Variants in MLKL observed in about 807,000 individuals in gnomAD.
MLKL encodes mixed lineage kinase domain like pseudokinase.
Under a neutral mutation model 56.5 loss-of-function variants are expected in MLKL, and 55 were observed. That is an observed-to-expected ratio of 0.97 (90% CI 0.78 to 1.22). The LOEUF (loss-of-function observed/expected upper bound fraction) is 1.22. Among genes scored for constraint, MLKL ranks in the 50% most tolerant of loss-of-function variants. The pLI is 0.00. For missense variants in MLKL, 694 were observed against 573.9 expected, an observed-to-expected ratio of 1.21 and a Z score of -2.14; for synonymous variants, 251 against 208.3, an observed-to-expected ratio of 1.20 and a Z score of -1.76.
intron 6 of MLKL, among the ~76,000 whole-genome samples, 163 bp downstream of exon 6, chr16:74,682,488 G>C (rs755931992): frequency 6.6e-6 from 1 of 152,126 alleles, no homozygotes; most frequent in Non-Finnish European, 1.5e-5. Flanking sequence ...CCTGGGTTAA[G>C]CCTCTTTCCT....
chr16:74,685,581 A>G lies in MLKL; in HGVS notation c.725T>C (p.Ile242Thr), dbSNP rs746520537. Residue 242 changes from isoleucine to threonine, a missense_variant and splice_region_variant, in exon 5 of 11, where the codon ATA becomes ACA. Transcript: ENST00000308807. ...FKKLQAGSIA[I>T]VRQTFNKEIK... Reference sequence around the variant, plus strand: ...CTCCTTATTGAAAGTCTGCCTCACTATTCTATAAGGATTAAAGAGAGAAAT... The same window carrying G: ...CTCCTTATTGAAAGTCTGCCTCACTGTTCTATAAGGATTAAAGAGAGAAAT... 40 of 1,610,062 alleles carry G rather than the reference A, an allele frequency of 2.5e-5. No homozygotes were observed. The highest frequency in any genetic ancestry group is 3.1e-5 in the Non-Finnish European group (37 of 1,176,368).
chr16:74,683,274 CAG>C (rs918076254), intron 5 of MLKL, among the ~76,000 whole-genome samples: 3 of 140,538 alleles, frequency 2.1e-5, no homozygotes, highest in Admixed American at 1.5e-4. Flanking sequence ...GCCTGGGCAA[CAG>C]AGTGACACTA....
intron 7 of MLKL, chr16:74,676,174 A>G (rs1237388298): frequency 5.4e-6 from 5 of 927,948 alleles, no homozygotes; most frequent in Non-Finnish European, 6.5e-6. Context: ...GCCTTTTCCC[A>G]AAGAAGCAGA....
intron 1 of MLKL, among the ~76,000 whole-genome samples, chr16:74,697,212 C>T (rs935141610): frequency 6.6e-6 from 1 of 151,598 alleles, no homozygotes; most frequent in Non-Finnish European, 1.5e-5. Context: ...AGTGAGGAAG[C>T]ACAGAGCCCT....
chr16:74,691,614 C>T, intron 3 of MLKL, 151 bp from the exon 4 acceptor site: 1 of 817,284 alleles, frequency 1.2e-6, no homozygotes, highest in South Asian at 1.7e-5. Flanking sequence ...TGGACTCAGC[C>T]CAAGGGAGCG....
In MLKL at chr16:74,674,183, CT is replaced by C. The variant is rs569108397; in HGVS notation, c.1381+776del. Among the ~76,000 whole-genome samples, 68 of 141,812 alleles carry C rather than the reference CT, an allele frequency of 4.8e-4. No individual in the cohort carries two copies. In the South Asian group the frequency reaches 0.013, roughly 28 times the overall value. 93.0% of individuals were successfully genotyped at this position (141,812 alleles called of 152,430 possible). A position where few individuals can be genotyped will look rare whatever the true frequency, so the allele number is the denominator to read the frequency against. On this transcript the variant is annotated intron_variant, in intron 10 of 10. Transcript: ENST00000308807. ...TTTTTTTTTTTTTTTGAGATGGAGT[CT>C]TGCCCTGTTGTCCAGGCTGGAGCGC...
At chr16:74,698,342 A>C (rs914118954) in intron 1 of MLKL, among the ~76,000 whole-genome samples, 2 of 152,222 alleles carry the variant, frequency 1.3e-5, no homozygotes, top group African/African-American at 4.8e-5. Context: ...GCTTGGAGAA[A>C]ATAATTGGCC....
intron 4 of MLKL, among the ~76,000 whole-genome samples, chr16:74,687,089 C>G (rs1597498360): frequency 6.6e-6 from 1 of 152,224 alleles, no homozygotes; most frequent in East Asian, 1.9e-4. Flanking sequence ...AATTCTCCTG[C>G]CTCAGCCTCC....
chr16:74,683,614 C>A (rs201352936), intron 5 of MLKL, among the ~76,000 whole-genome samples: 32 of 148,750 alleles, frequency 2.2e-4, no homozygotes, highest in East Asian at 7.9e-4. Context: ...AAAAAAAATT[C>A]TTTTTCTTTT....
intron 6 of MLKL, among the ~76,000 whole-genome samples, chr16:74,679,394 T>G (rs1304310281): frequency 6.6e-6 from 1 of 152,120 alleles, no homozygotes; most frequent in East Asian, 1.9e-4. Flanking sequence ...GACAAGGGCT[T>G]TGGTTTCACA....
intron 10 of MLKL, among the ~76,000 whole-genome samples, chr16:74,674,651 C>T (rs983368100): frequency 2.0e-5 from 3 of 152,110 alleles, no homozygotes; most frequent in African/African-American, 7.2e-5. Context: ...CCATGTTGGC[C>T]AGGCTGGTCT....
intron 1 of MLKL, among the ~76,000 whole-genome samples, chr16:74,697,146 G>T (rs1961095208): frequency 6.6e-6 from 1 of 151,826 alleles, no homozygotes; most frequent in Non-Finnish European, 1.5e-5. Flanking sequence ...AGTCCAGGAG[G>T]TTGAGGCTGC....
Position 74,685,602 on chromosome 16 carries a change from GA to G in MLKL, c.723-20del. The G allele has an allele frequency of 6.3e-7, 1 of 1,594,316 alleles. No homozygotes were observed. The highest frequency in any genetic ancestry group is 8.6e-7 in the Non-Finnish European group (1 of 1,162,544). Reference sequence around the variant, plus strand: ...CACTATTCTATAAGGATTAAAGAGAGAAATCAGGATTTCAGAACTGGAAGGT... The same window carrying G: ...CACTATTCTATAAGGATTAAAGAGAGAATCAGGATTTCAGAACTGGAAGGT... On this transcript the variant is annotated intron_variant, in intron 4 of 10. Transcript: ENST00000308807.
At chr16:74,675,193 G>A (rs1959511717) in intron 9 of MLKL, 93 bp from the exon 10 acceptor site, 4 of 1,563,726 alleles carry the variant, frequency 2.6e-6, no homozygotes, top group Non-Finnish European at 3.5e-6. Context: ...TAGGGACTCT[G>A]AGTATGGAAA....
chr16:74,692,422 G>A lies in MLKL; in HGVS notation c.461-6C>T, dbSNP rs1960729475. The A allele has an allele frequency of 6.2e-7, 1 of 1,605,184 alleles. No individual in the cohort carries two copies. Among genetic ancestry groups the A allele is most frequent in the Non-Finnish European group, 8.5e-7 (1 of 1,176,536 alleles). On this transcript the variant is annotated splice_polypyrimidine_tract_variant and splice_region_variant and intron_variant, in intron 2 of 10. Transcript: ENST00000308807. Reference sequence around the variant, plus strand: ...AGCTTCTATTTTTTCATTATCTGCAGGAAAAAAGGGCAGTATATGCTCAAA... The same window carrying A: ...AGCTTCTATTTTTTCATTATCTGCAAGAAAAAAGGGCAGTATATGCTCAAA...
At chr16:74,682,898 C>T in intron 5 of MLKL, 112 bp from the exon 6 acceptor site, 2 of 1,255,694 alleles carry the variant, frequency 1.6e-6, no homozygotes, top group Non-Finnish European at 2.2e-6. Context: ...CTGCTGAGTC[C>T]CATTTCTCCC....
At chr16:74,682,629 G>A (rs1257160399) in intron 6 of MLKL, 22 bp downstream of exon 6, 10 of 1,612,896 alleles carry the variant, frequency 6.2e-6, no homozygotes, top group African/African-American at 1.3e-5. Context: ...ACCCTTAGTG[G>A]CGCCTTTTCA....
intron 6 of MLKL, among the ~76,000 whole-genome samples, chr16:74,681,767 C>T (rs541357873): frequency 6.6e-6 from 1 of 151,408 alleles, no homozygotes; most frequent in Non-Finnish European, 1.5e-5. Flanking sequence ...GCACTCCAGC[C>T]TGGGCAACAG....
intron 6 of MLKL, among the ~76,000 whole-genome samples, chr16:74,681,893 T>C (rs1451027350): frequency 6.6e-6 from 1 of 152,138 alleles, no homozygotes; most frequent in Admixed American, 6.6e-5. Context: ...CGCATATATA[T>C]ATGTACAAGC....
Sources: gnomAD v4.1 joint callset for allele counts (sites outside exome capture counted in the v4.1 genomes callset) on GRCh38, gnomAD v4.1.1 for gene constraint, MANE v1.5 for transcripts, NCBI Gene and HGNC (gene_info 2026-07-23, HGNC 2026-07-21) for gene names.